Variants in CDON observed in about 807,000 individuals in gnomAD.
CDON encodes the protein cell adhesion molecule-related/down-regulated by oncogenes.
Under a neutral mutation model 120.9 loss-of-function variants are expected in CDON, and 73 were observed. The ratio of observed to expected loss-of-function variants is 0.60; its 90% CI spans 0.50 to 0.73. The LOEUF is 0.73. CDON is among the 30% of genes least tolerant of loss of function. The pLI is 0.00. For synonymous variants in CDON, 566 were observed against 573.5 expected (o/e 0.99, Z 0.19); for missense variants, 1,470 against 1,587.3 (o/e 0.93, Z 1.26).
At position 125,964,877 on chromosome 11, in the gene CDON, T is replaced by C. The variant is rs369118515; in HGVS notation, c.3357-2879A>G. Among the ~76,000 whole-genome samples, 3 of 152,202 alleles carry C rather than the reference T, an allele frequency of 2.0e-5. No individual in the cohort carries two copies. In the South Asian group the frequency reaches 6.2e-4, roughly 31 times the overall value. On this transcript the variant is annotated intron_variant, in intron 18 of 19. Coordinates refer to ENST00000531738, the MANE Select transcript of CDON (RefSeq NM_001378964.1). ...CTCTAATATCAAAAGATCAGAAATA[T>C]CTTTCGTCGGGGCAACCTATATGGC...
chr11:126,050,822 C>G (rs1948541007), intron 1 of CDON, among the ~76,000 whole-genome samples: 1 of 152,154 alleles, frequency 6.6e-6, no homozygotes, highest in East Asian at 1.9e-4. Context: ...CTGCAGGGCA[C>G]ACACACAGAC....
chr11:126,055,757 T>A (rs967191238), intron 1 of CDON, among the ~76,000 whole-genome samples: 7 of 152,192 alleles, frequency 4.6e-5, no homozygotes, highest in Non-Finnish European at 8.8e-5. Flanking sequence ...TATAAAAAGG[T>A]AGTACATGCT....
chr11:126,062,999 C>A (rs1018346966), upstream of CDON, among the ~76,000 whole-genome samples: 2 of 151,698 alleles, frequency 1.3e-5, no homozygotes, highest in African/African-American at 4.8e-5. Context: ...GGAGGCGGGC[C>A]GTAGAGGCCG....
At chr11:125,979,397 G>T (rs2134434020) in intron 17 of CDON, among the ~76,000 whole-genome samples, 2 of 152,244 alleles carry the variant, frequency 1.3e-5, no homozygotes, top group Non-Finnish European at 1.5e-5. Flanking sequence ...CCATCTGAGG[G>T]AAAACCTGAA....
In CDON at chr11:125,958,726, G is replaced by A. The variant is rs1168234796; in HGVS notation, c.*2216C>T. The A allele has an allele frequency of 6.6e-6, 1 of 152,294 alleles. No individual in the cohort carries two copies. The highest frequency in any genetic ancestry group is 1.9e-4 in the East Asian group (1 of 5,186). 9.4% of individuals were successfully genotyped at this position (152,294 alleles called of 1,614,324 possible). A position where few individuals can be genotyped will look rare whatever the true frequency, so the allele number is the denominator to read the frequency against. On this transcript the variant is annotated 3_prime_UTR_variant, in exon 20 of 20. Coordinates refer to ENST00000531738, the MANE Select transcript of CDON (RefSeq NM_001378964.1). ...AGTCCACAATGAGATTGTCCTAAAGGTAAAGCCATTTTCTCTTCCTCGTGG... is the reference window on the plus strand; with the variant it reads ...AGTCCACAATGAGATTGTCCTAAAGATAAAGCCATTTTCTCTTCCTCGTGG...
In CDON at chr11:125,996,606, A is replaced by G. The variant is rs570131861; in HGVS notation, c.2362+601T>C. Among the ~76,000 whole-genome samples the G allele has an allele frequency of 9.0e-5, 13 of 143,674 alleles. 1 individual carries two copies. In the South Asian group the frequency reaches 2.9e-3, roughly 32 times the overall value. The allele number at this position is 143,674 out of a possible 152,430, so 94.3% of individuals were successfully genotyped here. On this transcript the variant is annotated intron_variant, in intron 12 of 19. Transcript: ENST00000531738. ...TCCCAGCTACTCGGGAGGCTGAGGC[A>G]GGAGAATCGCTTGAACATGGGAGGT...
intron 16 of CDON, among the ~76,000 whole-genome samples, chr11:125,983,341 A>T (rs1306203065): frequency 1.3e-5 from 2 of 152,230 alleles, no homozygotes; most frequent in Admixed American, 1.3e-4. Flanking sequence ...AAGCACACGT[A>T]TTCCTAGACA....
intron 1 of CDON, among the ~76,000 whole-genome samples, chr11:126,050,531 CAA>C (rs1491571882): frequency 4.9e-5 from 7 of 142,974 alleles, no homozygotes; most frequent in Non-Finnish European, 9.2e-5. Context: ...CACACACACA[CAA>C]ACAAAAAAAA....
At chr11:126,012,831 T>C (rs542276345) in intron 7 of CDON, among the ~76,000 whole-genome samples, 1 of 152,250 alleles carries the variant, frequency 6.6e-6, no homozygotes, top group Non-Finnish European at 1.5e-5. Flanking sequence ...CTATTTGGGA[T>C]AGCCCATGTT....
At chr11:126,048,362 A>G (rs1344542192) in intron 1 of CDON, among the ~76,000 whole-genome samples, 1 of 152,118 alleles carries the variant, frequency 6.6e-6, no homozygotes, top group Non-Finnish European at 1.5e-5. Flanking sequence ...TGTTGCCAAG[A>G]ACACTTGGCA....
chr11:125,977,199 G>A (rs578220917), intron 18 of CDON, among the ~76,000 whole-genome samples: 34 of 152,260 alleles, frequency 2.2e-4, no homozygotes, highest in Middle Eastern at 3.4e-3. Flanking sequence ...ATTTAAATAC[G>A]TAACAAGCAA....
At chr11:125,996,373 G>A (rs1346664912) in intron 12 of CDON, among the ~76,000 whole-genome samples, 1 of 152,034 alleles carries the variant, frequency 6.6e-6, no homozygotes, top group Non-Finnish European at 1.5e-5. Flanking sequence ...AAACATATAC[G>A]ATAAAATATG....
In CDON at chr11:125,957,628, G is replaced by C. The variant is rs1295918479; in HGVS notation, c.*3314C>G. 6.6e-6 allele frequency: 1 copy of C among 152,170 alleles called. No individual in the cohort carries two copies. 9.4% of individuals were successfully genotyped at this position (152,170 alleles called of 1,614,324 possible). On this transcript the variant is annotated 3_prime_UTR_variant, in exon 20 of 20. Coordinates refer to ENST00000531738, the MANE Select transcript of CDON (RefSeq NM_001378964.1). The stretch of plus-strand genomic sequence containing the variant: ...CTCAAAGTCATTACTTTAAAAGAGA[G>C]CAACACAGGTAAAATTCAATGATAA...
At chr11:126,018,302 A>G in intron 5 of CDON, 28 bp downstream of exon 5, 1 of 1,609,212 alleles carries the variant, frequency 6.2e-7, no homozygotes, top group Non-Finnish European at 8.5e-7. Flanking sequence ...TTCCTCTTCC[A>G]GTTACCATTA....
intron 14 of CDON, among the ~76,000 whole-genome samples, chr11:125,992,110 GA>G (rs1449489888): frequency 1.3e-5 from 2 of 152,042 alleles, no homozygotes; most frequent in African/African-American, 4.8e-5. Context: ...GTCTTGTTTA[GA>G]ACCATTTTAT....
At chr11:125,981,969 TC>T (rs1565501934) in intron 16 of CDON, among the ~76,000 whole-genome samples, 156 of 122,866 alleles carry the variant, frequency 1.3e-3, no homozygotes, top group Middle Eastern at 3.8e-3. Flanking sequence ...GATTCTATTT[TC>T]TTTTTTTTTT....
chr11:125,964,052 C>G (rs952001632), intron 18 of CDON, among the ~76,000 whole-genome samples: 1 of 152,108 alleles, frequency 6.6e-6, no homozygotes, highest in Admixed American at 6.5e-5. Context: ...AATCTGAAAC[C>G]CACTTAAAAA....
At chr11:126,010,781 G>A in intron 7 of CDON, 87 bp from the exon 8 acceptor site, 1 of 1,085,528 alleles carries the variant, frequency 9.2e-7, no homozygotes, top group Non-Finnish European at 1.4e-6. Flanking sequence ...ACGTAAATGT[G>A]GGAGTAATGA....
chr11:126,011,106 G>A (rs1947290027), intron 7 of CDON, among the ~76,000 whole-genome samples: 1 of 152,156 alleles, frequency 6.6e-6, no homozygotes, highest in Non-Finnish European at 1.5e-5. Context: ...TTGTGGGGTA[G>A]GGTGGGAAGG....
Sources: allele counts gnomAD v4.1 joint callset (sites outside exome capture counted in the v4.1 genomes callset), GRCh38; gene constraint gnomAD v4.1.1; transcripts MANE v1.5; gene names NCBI Gene and HGNC (gene_info 2026-07-23, HGNC 2026-07-21).